Variants in CTNNA2 observed in about 807,000 individuals in gnomAD.
CTNNA2 encodes the protein catenin alpha 2, also known as catenin alpha-2.
Under a neutral mutation model 101.0 loss-of-function variants are expected in CTNNA2, and 42 were observed. That is an observed-to-expected ratio of 0.42 (90% confidence interval 0.32 to 0.54). The LOEUF (loss-of-function observed/expected upper bound fraction) is 0.54, where lower values mean the gene tolerates loss of function less well. CTNNA2 is among the 20% of genes least tolerant of loss of function. CTNNA2 has a pLI of 0.14. For missense variants in CTNNA2, 871 were observed against 1,223.1 expected, an observed-to-expected ratio of 0.71 and a Z score of 4.29; for synonymous variants, 450 against 456.4, an observed-to-expected ratio of 0.99 and a Z score of 0.18.
intron 4 of CTNNA2, chr2:79,499,361 G>T (rs956088328): frequency 6.6e-6 from 1 of 152,134 alleles, no homozygotes; most frequent in African/African-American, 2.4e-5. Flanking sequence ...ATCCTTCCTA[G>T]ACTGATGCAA....
chr2:79,932,478 G>T (rs1052140578), intron 7 of CTNNA2, among the ~76,000 whole-genome samples: 5 of 151,446 alleles, frequency 3.3e-5, no homozygotes, highest in Non-Finnish European at 7.4e-5. Flanking sequence ...TTGTGTGTGA[G>T]ATTCTTTTTT....
intron 2 of CTNNA2, among the ~76,000 whole-genome samples, chr2:79,215,641 G>GTCAAAC (rs1674245274): frequency 6.6e-6 from 1 of 152,076 alleles, no homozygotes; most frequent in African/African-American, 2.4e-5. Context: ...GTACTGGGCT[G>GTCAAAC]GGTTTTTATA....
At chr2:80,424,140 G>C (rs1192485540) in intron 9 of CTNNA2, among the ~76,000 whole-genome samples, 1 of 152,112 alleles carries the variant, frequency 6.6e-6, no homozygotes, top group Non-Finnish European at 1.5e-5. Context: ...ATTTTTAGTA[G>C]AGACGGGGTT....
intron 2 of CTNNA2, among the ~76,000 whole-genome samples, chr2:79,743,803 G>A (rs975455951): frequency 2.6e-5 from 4 of 152,056 alleles, no homozygotes; most frequent in Non-Finnish European, 5.9e-5. Flanking sequence ...CAAAGTGTTG[G>A]GATTACAGGT....
At chr2:79,189,545 G>A (rs374825155) in intron 1 of CTNNA2, among the ~76,000 whole-genome samples, 10 of 152,144 alleles carry the variant, frequency 6.6e-5, no homozygotes, top group Non-Finnish European at 1.0e-4. Flanking sequence ...GTATAATTCC[G>A]ATAATATTGC....
chr2:79,195,933 GTTTT>G (rs1205645927), intron 1 of CTNNA2: 1 of 437,376 alleles, frequency 2.3e-6, no homozygotes, highest in Non-Finnish European at 4.5e-6. Flanking sequence ...GATGAACTCA[GTTTT>G]TTGTTTGTTT....
intron 4 of CTNNA2, among the ~76,000 whole-genome samples, chr2:79,483,385 G>A (rs1287963958): frequency 6.6e-6 from 1 of 152,230 alleles, no homozygotes; most frequent in Non-Finnish European, 1.5e-5. Context: ...TCAGAAAAGG[G>A]GCACATCATT....
intron 7 of CTNNA2, chr2:80,305,182 G>C (rs906202517): frequency 7.8e-5 from 77 of 985,240 alleles, no homozygotes; most frequent in Non-Finnish European, 9.0e-5. Context: ...GATTTTTGGG[G>C]TTTTTTCCCC....
chr2:80,367,906 C>T (rs1337594600), intron 7 of CTNNA2, among the ~76,000 whole-genome samples: 1 of 149,474 alleles, frequency 6.7e-6, no homozygotes, highest in Non-Finnish European at 1.5e-5. Flanking sequence ...TTGTTAATTT[C>T]AGGTGGGATT....
chr2:79,881,319 A>G (rs1216129397), intron 6 of CTNNA2, among the ~76,000 whole-genome samples: 3 of 152,202 alleles, frequency 2.0e-5, no homozygotes, highest in African/African-American at 7.2e-5. Context: ...GTAGATGTCT[A>G]TTAGGTACAC....
In CTNNA2 at chr2:80,303,049, G is replaced by C; in HGVS notation, c.1057-90162G>C. On this transcript the variant is annotated intron_variant, in intron 7 of 18. Transcript: ENST00000402739. This position sits in a 1 kb window ranked among gnomAD's most constrained non-coding sequence, Gnocchi z 7.7. The stretch of plus-strand genomic sequence containing the variant: ...TGCCCGACAAGTCCATTTTCTCCAG[G>C]TTCCAAACCCAGTCCAGCGAGCTGA... The C allele has an allele frequency of 3.1e-6, 5 of 1,613,862 alleles. No individual in the cohort carries two copies. Among genetic ancestry groups the C allele is most frequent in the Non-Finnish European group, 4.2e-6 (5 of 1,179,990 alleles).
At chr2:79,352,805 G>T (rs1677420648) in intron 3 of CTNNA2, among the ~76,000 whole-genome samples, 1 of 152,154 alleles carries the variant, frequency 6.6e-6, no homozygotes, top group Non-Finnish European at 1.5e-5. Context: ...ATCTGAGACT[G>T]GGTAACTTAT....
At chr2:79,740,643 C>CA (rs2104969863) in intron 2 of CTNNA2, among the ~76,000 whole-genome samples, 1 of 152,064 alleles carries the variant, frequency 6.6e-6, no homozygotes, top group East Asian at 1.9e-4. Context: ...CAATAGGACA[C>CA]AAAAAATGTA....
chr2:79,323,332 C>A (rs1676666966), intron 3 of CTNNA2, among the ~76,000 whole-genome samples: 1 of 152,128 alleles, frequency 6.6e-6, no homozygotes. Flanking sequence ...GAGAAAAGTG[C>A]ATGGATAATT....
chr2:80,358,343 CTTTTTTTTT>C (rs35040432), intron 7 of CTNNA2, among the ~76,000 whole-genome samples: 8,277 of 99,872 alleles, frequency 0.083, 700 homozygotes, highest in African/African-American at 0.22. Flanking sequence ...TAGTATTCTA[CTTTTTTTTT>C]TTTTTTTTTT....
intron 4 of CTNNA2, among the ~76,000 whole-genome samples, chr2:79,497,452 C>T (rs1299909087): frequency 1.3e-5 from 2 of 152,216 alleles, no homozygotes; most frequent in East Asian, 3.8e-4. Flanking sequence ...TTCTGCATCT[C>T]CTGTCATCTA....
intron 7 of CTNNA2, among the ~76,000 whole-genome samples, chr2:80,142,341 A>G (rs1327043565): frequency 6.6e-6 from 1 of 152,122 alleles, no homozygotes; most frequent in Non-Finnish European, 1.5e-5. Flanking sequence ...TAAATGCCTC[A>G]CTTTCTCTCA....
chr2:79,264,310 T>C (rs1674962391), intron 2 of CTNNA2, among the ~76,000 whole-genome samples: 1 of 152,182 alleles, frequency 6.6e-6, no homozygotes. Context: ...GATGATGCTT[T>C]AAGCCATACA....
chr2:79,512,974 G>C, upstream of CTNNA2: 1 of 152,170 alleles, frequency 6.6e-6, no homozygotes, highest in South Asian at 2.1e-4. Flanking sequence ...GCTTGGGCAG[G>C]ACGCGGGGCG....
Sources: gnomAD v4.1 joint callset for allele counts (sites outside exome capture counted in the v4.1 genomes callset) on GRCh38, gnomAD v4.1.1 for gene constraint, Gnocchi (gnomAD v3.1) non-coding constraint, MANE v1.5 for transcripts, NCBI Gene and HGNC (gene_info 2026-07-23, HGNC 2026-07-21) for gene names.